Variants in FAM174B observed in about 807,000 individuals in gnomAD.
The protein encoded by FAM174B is membrane protein FAM174B.
FAM174B carries 12 observed loss-of-function variants against 10.9 expected under a neutral mutation model. That is an observed-to-expected ratio of 1.10 (90% CI 0.71 to 1.79). The LOEUF is 1.79. FAM174B is among the 40% of genes most tolerant of loss of function. The pLI is 0.00. For missense variants in FAM174B, 266 were observed against 233.3 expected, an observed-to-expected ratio of 1.14 and a Z score of -0.91; for synonymous variants, 132 against 115.8, an observed-to-expected ratio of 1.14 and a Z score of -0.90.
chr15:92,629,445 CGCCACCCACCCA>C (rs541377854), intron 2 of FAM174B, among the ~76,000 whole-genome samples: 2 of 152,304 alleles, frequency 1.3e-5, no homozygotes, highest in South Asian at 4.1e-4. Context: ...CAAGCAGGAA[CGCCACCCACCCA>C]GCCACCCACG....
At position 92,655,553 on chromosome 15, in the gene FAM174B, C is replaced by T. The variant is rs1455951103; in HGVS notation, c.107G>A (p.Trp36Ter). The T allele has an allele frequency of 1.2e-5, 17 of 1,412,126 alleles. No individual in the cohort carries two copies. Among genetic ancestry groups the T allele is most frequent in the South Asian group, 3.2e-5 (2 of 63,176 alleles). 87.5% of individuals were successfully genotyped at this position (1,412,126 alleles called of 1,614,324 possible). ...ASRAESVSAP[W>*]PEPERESRPP... The stretch of plus-strand genomic sequence containing the variant: ...CCGCGACTCGCGCTCGGGTTCGGGC[C>T]ACGGCGCGGAGACGGACTCGGCTCT... The change falls in exon 1 of 3, where the codon TGG (tryptophan) becomes TAG (stop). Residue 36 changes from tryptophan (W) to a stop codon, truncating the protein, a stop_gained. Transcript: ENST00000327355. LOFTEE classifies it high-confidence loss of function.
chr15:92,653,940 A>C (rs1463632891), intron 1 of FAM174B, among the ~76,000 whole-genome samples: 2 of 152,210 alleles, frequency 1.3e-5, no homozygotes, highest in Non-Finnish European at 2.9e-5. Context: ...GAGCTGCTAG[A>C]GTTTGTAAAC....
At chr15:92,638,468 G>C (rs1048536533) in intron 1 of FAM174B, among the ~76,000 whole-genome samples, 2 of 152,176 alleles carry the variant, frequency 1.3e-5, no homozygotes, top group Non-Finnish European at 2.9e-5. Flanking sequence ...GCCTACAGAG[G>C]GGGAGGCCTT....
Position 92,619,773 on chromosome 15 carries a change from T to A in FAM174B, c.477-314A>T, listed in dbSNP as rs188905603. On this transcript the variant is annotated intron_variant, in intron 2 of 2. Coordinates refer to ENST00000327355, the MANE Select transcript of FAM174B (RefSeq NM_207446.3). ...GTGTTTACACTAGGGGTTGGAAAAC[T>A]TCTTCTGTGACAGTCCAGAGAGGAA... 2.8e-5 allele frequency: 12 copies of A among 436,210 alleles called. No individual in the cohort carries two copies. The East Asian group carries it at 4.0e-4, about 15-fold the overall frequency. 27.0% of individuals were successfully genotyped at this position (436,210 alleles called of 1,614,324 possible).
At chr15:92,631,205 T>TATTAC (rs2050800259) in intron 1 of FAM174B, among the ~76,000 whole-genome samples, 1 of 25,706 alleles carries the variant, frequency 3.9e-5, no homozygotes, top group African/African-American at 1.8e-4. Context: ...ATATATTACA[T>TATTAC]ATATTATATA....
At chr15:92,630,386 G>A (rs1420825981) in intron 1 of FAM174B, 41 bp from the exon 2 acceptor site, 37 of 1,570,880 alleles carry the variant, frequency 2.4e-5, no homozygotes, top group Non-Finnish European at 3.1e-5. Flanking sequence ...ACAGCTGGGA[G>A]AGAAAGAGTC....
At chr15:92,653,299 C>T (rs906243586) in intron 1 of FAM174B, 1 of 152,296 alleles carries the variant, frequency 6.6e-6, no homozygotes, top group African/African-American at 2.4e-5. Context: ...GTCTCGCACC[C>T]CTCACATCTG....
At chr15:92,641,346 G>A (rs929532053) in intron 1 of FAM174B, among the ~76,000 whole-genome samples, 4 of 152,134 alleles carry the variant, frequency 2.6e-5, no homozygotes, top group African/African-American at 4.8e-5. Context: ...GCCCTTAGTC[G>A]GCAATTCCAT....
chr15:92,622,746 T>C (rs1239979321), intron 2 of FAM174B, among the ~76,000 whole-genome samples: 1 of 152,236 alleles, frequency 6.6e-6, no homozygotes. Context: ...TGGGCTCACT[T>C]CGTGGTCCTC....
intron 2 of FAM174B, among the ~76,000 whole-genome samples, chr15:92,625,653 A>G (rs2050747769): frequency 6.6e-6 from 1 of 152,244 alleles, no homozygotes; most frequent in Non-Finnish European, 1.5e-5. Flanking sequence ...CATGTATAAT[A>G]CAGTCTTATT....
At chr15:92,642,287 T>C (rs1291845878) in intron 1 of FAM174B, among the ~76,000 whole-genome samples, 1 of 152,256 alleles carries the variant, frequency 6.6e-6, no homozygotes, top group African/African-American at 2.4e-5. Context: ...AGTTATCATA[T>C]GACCCAGCAA....
chr15:92,623,086 G>A (rs1041137761), intron 2 of FAM174B, among the ~76,000 whole-genome samples: 1 of 151,902 alleles, frequency 6.6e-6, no homozygotes, highest in African/African-American at 2.4e-5. Flanking sequence ...ATCCCGGGAG[G>A]CAGAGGGTGC....
At chr15:92,630,647 A>C (rs1325441128) in intron 1 of FAM174B, among the ~76,000 whole-genome samples, 1 of 150,312 alleles carries the variant, frequency 6.7e-6, no homozygotes, top group African/African-American at 2.5e-5. Flanking sequence ...GAGCACTAAA[A>C]ACTCAGTAAG....
intron 2 of FAM174B, among the ~76,000 whole-genome samples, chr15:92,622,101 A>G (rs1335783580): frequency 2.0e-5 from 3 of 152,080 alleles, no homozygotes; most frequent in Admixed American, 1.3e-4. Context: ...GGAGATGCAA[A>G]CTCTGTACCG....
Position 92,617,877 on chromosome 15 carries a change from G to C in FAM174B, c.*1579C>G, listed in dbSNP as rs1490098682. 2.2e-6 allele frequency: 1 copy of C among 459,532 alleles called. No individual in the cohort carries two copies. The highest frequency in any genetic ancestry group is 3.5e-5 in the East Asian group (1 of 28,256). 28.5% of individuals were successfully genotyped at this position (459,532 alleles called of 1,614,324 possible). On this transcript the variant is annotated 3_prime_UTR_variant, in exon 3 of 3. Coordinates refer to ENST00000327355, the MANE Select transcript of FAM174B (RefSeq NM_207446.3). Reference sequence around the variant, plus strand: ...CAGAGACTACACGCAGGCCCCCCGTGGCTGGCAATACCATGCGTGCTGGGC... The same window carrying C: ...CAGAGACTACACGCAGGCCCCCCGTCGCTGGCAATACCATGCGTGCTGGGC...
In FAM174B at chr15:92,617,958, G is replaced by A; in HGVS notation, c.*1498C>T. The A allele has an allele frequency of 5.4e-6, 2 of 369,262 alleles. No homozygotes were observed. Among genetic ancestry groups the A allele is most frequent in the Non-Finnish European group, 9.6e-6 (2 of 207,758 alleles). The allele number at this position is 369,262 out of a possible 1,614,324, so 22.9% of individuals were successfully genotyped here. A position where few individuals can be genotyped will look rare whatever the true frequency, so the allele number is the denominator to read the frequency against. Reference sequence around the variant, plus strand: ...ACGGGCTCTGCTCTTTCCTGCAGAGGCGAAACTGCCTTCCTGGCAGGCGGA... The same window carrying A: ...ACGGGCTCTGCTCTTTCCTGCAGAGACGAAACTGCCTTCCTGGCAGGCGGA... On this transcript the variant is annotated 3_prime_UTR_variant, in exon 3 of 3. Coordinates refer to ENST00000327355, the MANE Select transcript of FAM174B (RefSeq NM_207446.3).
At chr15:92,644,344 C>T (rs563782996) in intron 1 of FAM174B, among the ~76,000 whole-genome samples, 1 of 152,186 alleles carries the variant, frequency 6.6e-6, no homozygotes, top group African/African-American at 2.4e-5. Flanking sequence ...CGACAAGCCA[C>T]TGAGAGGCAA....
At chr15:92,619,766 G>T in intron 2 of FAM174B, 1 of 443,186 alleles carries the variant, frequency 2.3e-6, no homozygotes, top group Non-Finnish European at 4.0e-6. Flanking sequence ...ACTAGGGGTT[G>T]GAAAACTTCT....
intron 1 of FAM174B, among the ~76,000 whole-genome samples, chr15:92,640,766 T>G (rs2050886382): frequency 6.6e-6 from 1 of 151,898 alleles, no homozygotes; most frequent in African/African-American, 2.4e-5. Flanking sequence ...TGCCTCAGCC[T>G]CCCAAGTAGC....
Sources: allele counts gnomAD v4.1 joint callset (sites outside exome capture counted in the v4.1 genomes callset), GRCh38; gene constraint gnomAD v4.1.1; transcripts MANE v1.5; gene names NCBI Gene and HGNC (gene_info 2026-07-23, HGNC 2026-07-21).